TENM4: variants seen among roughly 807,000 people sequenced by gnomAD.
TENM4 encodes the protein teneurin-4.
Under a neutral mutation model 243.3 loss-of-function variants are expected in TENM4, and 82 were observed. That is an observed-to-expected ratio of 0.34 (90% CI 0.28 to 0.40). The LOEUF (loss-of-function observed/expected upper bound fraction) is 0.40, where lower values mean the gene tolerates loss of function less well. Ranked by LOEUF, TENM4 falls within the 10% of genes least tolerant of loss-of-function variation. TENM4 has a pLI of 1.00. For missense variants in TENM4, 3,138 were observed against 3,673.3 expected, an observed-to-expected ratio of 0.85 and a Z score of 3.77; for synonymous variants, 1,412 against 1,456.3, an observed-to-expected ratio of 0.97 and a Z score of 0.69.
In TENM4 at chr11:78,701,815, T is replaced by G. The variant is rs551046518; in HGVS notation, c.4798A>C (p.Ser1600Arg). ...TACAGGTAGTCTCCTGTGGGCAGGC[T>G]TTGGGTGTACAGGTGCTTGCCGGTG... The part of the protein sequence containing the change: ...DTTGKHLYTQ[S>R]LPTGDYLYNF... The change falls in exon 28 of 34, where the codon AGC (serine) becomes CGC (arginine). Residue 1600 changes from serine (S) to arginine (R), a missense_variant. Transcript: ENST00000278550. 1.4e-5 allele frequency: 22 copies of G among 1,613,864 alleles called. No homozygotes were observed. Among genetic ancestry groups the G allele is most frequent in the African/African-American group, 2.7e-5 (2 of 74,910 alleles).
At chr11:78,998,807 A>G (rs1263416013) in intron 6 of TENM4, among the ~76,000 whole-genome samples, 1 of 152,210 alleles carries the variant, frequency 6.6e-6, no homozygotes, top group Non-Finnish European at 1.5e-5. Context: ...GCATGAGGTC[A>G]TAGTGGGGCA....
intron 4 of TENM4, among the ~76,000 whole-genome samples, chr11:79,138,517 A>C (rs1162483115): frequency 8.6e-6 from 1 of 116,240 alleles, no homozygotes; most frequent in Admixed American, 1.1e-4. Context: ...AAAATATATT[A>C]TATTTATACA....
chr11:79,308,498 A>G (rs904648135), intron 1 of TENM4, among the ~76,000 whole-genome samples: 3 of 152,222 alleles, frequency 2.0e-5, no homozygotes. Flanking sequence ...TCCTCCTGGT[A>G]ACAAAGTCCC....
chr11:79,123,468 G>A (rs978292294), intron 4 of TENM4, among the ~76,000 whole-genome samples: 6 of 152,152 alleles, frequency 3.9e-5, no homozygotes, highest in Non-Finnish European at 8.8e-5. Flanking sequence ...AGGGGGTCAA[G>A]TCAGAGGAAA....
intron 12 of TENM4, among the ~76,000 whole-genome samples, chr11:78,828,115 C>A (rs1857898458): frequency 6.6e-6 from 1 of 152,174 alleles, no homozygotes; most frequent in Admixed American, 6.5e-5. Flanking sequence ...GGTTTTATGT[C>A]CTTTGGTGTG....
intron 1 of TENM4, among the ~76,000 whole-genome samples, chr11:79,351,568 T>G (rs1857415790): frequency 6.6e-6 from 1 of 152,026 alleles, no homozygotes; most frequent in African/African-American, 2.4e-5. Context: ...TAGCCAGGCG[T>G]GATTGGCAGG....
intron 6 of TENM4, among the ~76,000 whole-genome samples, chr11:78,980,548 G>A (rs1343211348): frequency 6.6e-6 from 1 of 152,208 alleles, no homozygotes; most frequent in East Asian, 1.9e-4. Context: ...AGGTCCTATA[G>A]GAAGGCAGCA....
chr11:79,402,530 A>C (rs921212985), intron 1 of TENM4, among the ~76,000 whole-genome samples: 2 of 152,122 alleles, frequency 1.3e-5, no homozygotes, highest in Non-Finnish European at 2.9e-5. Flanking sequence ...TTTGGTTTTT[A>C]TAACTCCAGG....
chr11:78,672,291 G>A lies in TENM4; in HGVS notation c.5535C>T (p.Arg1845=), dbSNP rs111604043. ...CATAGATCTTCTCTGTGCGTGTTAC[G>A]CGATCAAAGTCCAGAGATAGGAGAT... is the stretch of plus-strand genomic sequence containing the variant. ...NRNLLSLDFD[R]VTRTEKIYDD... is the part of the protein sequence containing the mutation. Residue 1845 remains arginine (R), a synonymous_variant, in exon 31 of 34, where the codon CGC becomes CGT. Transcript: ENST00000278550. The A allele has an allele frequency of 0.025, 40,657 of 1,613,116 alleles. 636 individuals carry two copies. The highest frequency in any genetic ancestry group is 0.029 in the South Asian group (2,641 of 91,064).
At chr11:79,111,762 G>A (rs1206028984) in intron 4 of TENM4, among the ~76,000 whole-genome samples, 1 of 152,148 alleles carries the variant, frequency 6.6e-6, no homozygotes, top group Non-Finnish European at 1.5e-5. Flanking sequence ...GGCTGCCATG[G>A]AAACTCAAAT....
intron 7 of TENM4, among the ~76,000 whole-genome samples, chr11:78,899,567 G>A (rs1224434568): frequency 7.6e-6 from 1 of 130,864 alleles, no homozygotes; most frequent in Non-Finnish European, 1.6e-5. Flanking sequence ...AGCGGGGGGG[G>A]GGGGAAAAAG....
chr11:78,857,564 G>A (rs1858709525), intron 10 of TENM4, among the ~76,000 whole-genome samples: 3 of 152,046 alleles, frequency 2.0e-5, no homozygotes, highest in African/African-American at 7.3e-5. Flanking sequence ...GAAACATCAG[G>A]TTTTTAGCTT....
chr11:79,068,277 G>A (rs112654236), intron 5 of TENM4: 15 of 152,316 alleles, frequency 9.8e-5, no homozygotes, highest in African/African-American at 3.6e-4. Context: ...CCACCTATTA[G>A]GTACTGTTTA....
intron 19 of TENM4, among the ~76,000 whole-genome samples, chr11:78,746,052 A>C (rs573579265): frequency 6.6e-6 from 1 of 152,268 alleles, no homozygotes; most frequent in Admixed American, 6.5e-5. Flanking sequence ...TCCAGGGTTC[A>C]AGAGATTTTT....
intron 3 of TENM4, among the ~76,000 whole-genome samples, chr11:79,193,383 G>C (rs1462969486): frequency 6.6e-6 from 1 of 152,212 alleles, no homozygotes; most frequent in African/African-American, 2.4e-5. Context: ...TTACATTTTA[G>C]GGGTTTCATG....
intron 3 of TENM4, 28 bp from the exon 4 acceptor site, chr11:79,148,834 G>C: frequency 1.1e-6 from 1 of 881,472 alleles, no homozygotes; most frequent in Non-Finnish European, 1.4e-6. Context: ...AGACAAATCA[G>C]TCATTTTTGA....
intron 6 of TENM4, among the ~76,000 whole-genome samples, chr11:79,049,521 G>C (rs1859744546): frequency 6.6e-6 from 1 of 152,228 alleles, no homozygotes. Flanking sequence ...AGTTAACATA[G>C]CAGGCCGAAG....
intron 1 of TENM4, among the ~76,000 whole-genome samples, chr11:79,350,104 T>G (rs543715702): frequency 6.6e-6 from 1 of 152,152 alleles, no homozygotes; most frequent in Admixed American, 6.5e-5. Flanking sequence ...TCCAGACGAG[T>G]GAGGAATATC....
At chr11:78,950,006 A>T (rs1857080904) in intron 6 of TENM4, among the ~76,000 whole-genome samples, 1 of 152,016 alleles carries the variant, frequency 6.6e-6, no homozygotes, top group East Asian at 1.9e-4. Context: ...CGGGGGGTGC[A>T]TCAATGGATG....
Sources: allele counts gnomAD v4.1 joint callset (sites outside exome capture counted in the v4.1 genomes callset), GRCh38; gene constraint gnomAD v4.1.1; transcripts MANE v1.5; gene names NCBI Gene and HGNC (gene_info 2026-07-23, HGNC 2026-07-21).